The following PARD3B variants were observed in gnomAD, a reference collection of about 807,000 sequenced individuals.
The protein encoded by PARD3B is partitioning defective 3 homolog B.
Under a neutral mutation model 130.2 loss-of-function variants are expected in PARD3B, and 103 were observed. That is an observed-to-expected ratio of 0.79 (90% CI 0.67 to 0.93). The LOEUF is 0.93. PARD3B is among the 40% of genes least tolerant of loss of function. The probability of loss-of-function intolerance (pLI) is 0.00; values close to 1 mark genes in which losing one functional copy is unlikely to be tolerated. For synonymous variants in PARD3B, 583 were observed against 553.2 expected, an observed-to-expected ratio of 1.05 and a Z score of -0.76; for missense variants, 1,609 against 1,499.2, an observed-to-expected ratio of 1.07 and a Z score of -1.21.
At position 204,612,379 on chromosome 2, in the gene PARD3B, G is replaced by A. The variant is rs80332187; in HGVS notation, c.120+66260G>A. Among the ~76,000 whole-genome samples, 1,446 of 152,292 alleles carry A rather than the reference G, an allele frequency of 9.5e-3. 21 individuals are homozygous for A. The highest frequency in any genetic ancestry group is 0.033 in the African/African-American group (1,361 of 41,560). On this transcript the variant is annotated intron_variant, in intron 1 of 22. Coordinates refer to ENST00000406610, the MANE Select transcript of PARD3B (RefSeq NM_001302769.2). ...CTGTAGGTGGACTGCATCAGCCTGC[G>A]GGTGCCCAGTTTGTGATCTCTGGTG...
At position 204,677,719 on chromosome 2, in the gene PARD3B, G is replaced by T. The variant is rs936934656; in HGVS notation, c.121-8462G>T. On this transcript the variant is annotated intron_variant, in intron 1 of 22. Transcript: ENST00000406610. The surrounding 1 kb of genome is among the most constrained non-coding windows in gnomAD (Gnocchi z 4.1). ...TAATATTTTTAGCAGACTCATCACT[G>T]TTGACTTGTTAAAGCCTGTGGTCAA... Among the ~76,000 whole-genome samples the T allele has an allele frequency of 6.6e-6, 1 of 152,196 alleles. No homozygotes were observed. Among genetic ancestry groups the T allele is most frequent in the African/African-American group, 2.4e-5 (1 of 41,442 alleles).
intron 18 of PARD3B, among the ~76,000 whole-genome samples, chr2:205,354,883 A>T (rs1178739123): frequency 1.4e-4 from 22 of 152,324 alleles, no homozygotes; most frequent in Non-Finnish European, 2.9e-5. Context: ...CAGAATGGGA[A>T]TAGGTAAGGT....
intron 4 of PARD3B, among the ~76,000 whole-genome samples, chr2:205,079,477 C>T (rs543778903): frequency 2.0e-5 from 3 of 152,186 alleles, no homozygotes; most frequent in African/African-American, 7.2e-5. Context: ...GGCAGAAGGG[C>T]AAAAAGAGCA....
At chr2:205,178,911 A>T (rs560656640) in intron 13 of PARD3B, among the ~76,000 whole-genome samples, 13 of 152,318 alleles carry the variant, frequency 8.5e-5, no homozygotes, top group Admixed American at 1.3e-4. Context: ...CTTATTTTTT[A>T]AAAAAGGTAA....
chr2:204,921,592 A>G (rs2047682983), intron 2 of PARD3B, among the ~76,000 whole-genome samples: 1 of 152,152 alleles, frequency 6.6e-6, no homozygotes, highest in South Asian at 2.1e-4. Context: ...GGTGGTGTTT[A>G]TCAGTGAAAT....
rs146210565 is a variant in PARD3B, at chr2:205,549,857, G to T, written c.3181-3467G>T. Among the ~76,000 whole-genome samples the T allele has an allele frequency of 1.2e-4, 19 of 152,292 alleles. 1 individual carries two copies. The East Asian group carries it at 3.3e-3, about 26-fold the overall frequency. On this transcript the variant is annotated intron_variant, in intron 21 of 22. Transcript: ENST00000406610. ...GCACACTGGTGGGCATGCGGGTAAT[G>T]AAGGAGGTTATGCATGTGTAGGGGT...
chr2:205,224,141 A>G (rs2038393488), intron 15 of PARD3B, among the ~76,000 whole-genome samples: 1 of 151,064 alleles, frequency 6.6e-6, no homozygotes, highest in Non-Finnish European at 1.5e-5. Context: ...AGGCTGAGGC[A>G]GGCGGATCAT....
chr2:205,233,939 T>G (rs2038953649), intron 15 of PARD3B, among the ~76,000 whole-genome samples: 1 of 152,164 alleles, frequency 6.6e-6, no homozygotes, highest in Non-Finnish European at 1.5e-5. Context: ...TTTAAGTTGA[T>G]GAACTGTCTG....
chr2:205,240,621 A>G (rs944325083), intron 15 of PARD3B, among the ~76,000 whole-genome samples: 1 of 152,180 alleles, frequency 6.6e-6, no homozygotes, highest in Non-Finnish European at 1.5e-5. Flanking sequence ...GGCAATTTTT[A>G]TCTGAAGAGA....
rs2034446204 is a variant in PARD3B, at chr2:205,160,500, T to A, written c.1620+1593T>A. On this transcript the variant is annotated intron_variant, in intron 11 of 22. Coordinates refer to ENST00000406610, the MANE Select transcript of PARD3B (RefSeq NM_001302769.2). This position sits in a 1 kb window ranked among gnomAD's most constrained non-coding sequence, Gnocchi z 4.0. ...AGGCCACTGGTCAAAGCAAGTCATA[T>A]GGCTGAGTCCAAGGTTGAGCAGTAG... Among the ~76,000 whole-genome samples, 3 of 152,330 alleles carry A rather than the reference T, an allele frequency of 2.0e-5. No homozygotes were observed. In the South Asian group the frequency reaches 6.2e-4, roughly 32 times the overall value.
intron 13 of PARD3B, 21 bp from the exon 14 acceptor site, chr2:205,185,743 T>G: frequency 1.2e-6 from 2 of 1,603,784 alleles, no homozygotes; most frequent in Non-Finnish European, 1.7e-6. Flanking sequence ...TTATACAGCT[T>G]CATTTGTTCT....
Position 205,300,484 on chromosome 2 carries a change from A to C in PARD3B, c.2186-46A>C, listed in dbSNP as rs760031835. ...TCTTAGAACAATAGCATTACACCAC[A>C]CTGCCCCATTAGAAGAGGGGTGACC... On this transcript the variant is annotated intron_variant, in intron 16 of 22. Transcript: ENST00000406610. This position sits in a 1 kb window ranked among gnomAD's most constrained non-coding sequence, Gnocchi z 4.1. 6.7e-7 allele frequency: 1 copy of C among 1,484,380 alleles called. No individual in the cohort carries two copies. The highest frequency in any genetic ancestry group is 1.1e-5 in the South Asian group (1 of 87,984). 92.0% of individuals were successfully genotyped at this position (1,484,380 alleles called of 1,614,324 possible). A position where few individuals can be genotyped will look rare whatever the true frequency, so the allele number is the denominator to read the frequency against.
chr2:205,120,725 C>T (rs2030598087), intron 7 of PARD3B, among the ~76,000 whole-genome samples: 1 of 152,146 alleles, frequency 6.6e-6, no homozygotes, highest in Admixed American at 6.5e-5. Flanking sequence ...TGCTGAGTTT[C>T]CTCAGTCACT....
At chr2:205,016,204 C>T (rs1476646028) in intron 3 of PARD3B, among the ~76,000 whole-genome samples, 1 of 152,136 alleles carries the variant, frequency 6.6e-6, no homozygotes, top group Non-Finnish European at 1.5e-5. Flanking sequence ...TTAAAGTATT[C>T]TCTAAGTCAG....
intron 2 of PARD3B, among the ~76,000 whole-genome samples, chr2:204,812,908 G>A (rs987574328): frequency 2.0e-5 from 3 of 151,992 alleles, no homozygotes; most frequent in East Asian, 1.9e-4. Context: ...TAGGGGTAGG[G>A]GGTCTCCTGC....
chr2:205,170,257 T>C (rs1255455696), intron 11 of PARD3B, among the ~76,000 whole-genome samples: 1 of 152,178 alleles, frequency 6.6e-6, no homozygotes, highest in Non-Finnish European at 1.5e-5. Flanking sequence ...TGTAGCCTTA[T>C]GCTTTTTTGT....
At chr2:205,068,710 G>A (rs533398723) in intron 4 of PARD3B, among the ~76,000 whole-genome samples, 2 of 152,044 alleles carry the variant, frequency 1.3e-5, no homozygotes, top group East Asian at 1.9e-4. Context: ...AGCTGCATCC[G>A]CTAATTTTTG....
chr2:205,243,395 A>G (rs1197004643), intron 15 of PARD3B, among the ~76,000 whole-genome samples: 1 of 152,222 alleles, frequency 6.6e-6, no homozygotes, highest in Non-Finnish European at 1.5e-5. Context: ...ATATCCTCTT[A>G]TGATGAGACT....
intron 2 of PARD3B, among the ~76,000 whole-genome samples, chr2:204,824,118 C>T (rs571149452): frequency 6.6e-6 from 1 of 152,258 alleles, no homozygotes; most frequent in East Asian, 1.9e-4. Flanking sequence ...GGTTTCAAGG[C>T]ATCAAGTTGT....
Sources: gnomAD v4.1 joint callset for allele counts (sites outside exome capture counted in the v4.1 genomes callset) on GRCh38, gnomAD v4.1.1 for gene constraint, Gnocchi (gnomAD v3.1) non-coding constraint, MANE v1.5 for transcripts, NCBI Gene and HGNC (gene_info 2026-07-23, HGNC 2026-07-21) for gene names.